The following CEP128 variants were observed in gnomAD, a reference collection of about 807,000 sequenced individuals.
CEP128 encodes the protein centrosomal protein 128, also known as centrosomal protein 128kDa.
Under a neutral mutation model 156.7 loss-of-function variants are expected in CEP128, and 132 were observed. That is an observed-to-expected ratio of 0.84 (90% CI 0.73 to 0.97). The LOEUF (loss-of-function observed/expected upper bound fraction) is 0.97, where lower values mean the gene tolerates loss of function less well. Ranked by LOEUF, CEP128 falls within the 50% of genes least tolerant of loss-of-function variation. The pLI, the probability that CEP128 is intolerant of heterozygous loss-of-function variation, is 0.00. For synonymous variants in CEP128, 469 were observed against 448.9 expected (o/e 1.04, Z -0.57); for missense variants, 1,252 against 1,281.9 (o/e 0.98, Z 0.36).
At chr14:80,687,798 G>T (rs984110841) in intron 19 of CEP128, among the ~76,000 whole-genome samples, 1 of 152,120 alleles carries the variant, frequency 6.6e-6, no homozygotes, top group African/African-American at 2.4e-5. Flanking sequence ...CTCAAAATGA[G>T]ATCGCACTCA....
intron 2 of CEP128, chr14:80,955,352 G>T (rs537891500): frequency 1.7e-5 from 8 of 474,248 alleles, no homozygotes; most frequent in Admixed American, 1.0e-4. Context: ...CGCCCGGGGT[G>T]GGGGGGCGGG....
intron 1 of CEP128, among the ~76,000 whole-genome samples, chr14:80,958,728 G>GT (rs1282778903): frequency 6.6e-6 from 1 of 151,816 alleles, no homozygotes; most frequent in Non-Finnish European, 1.5e-5. Context: ...AATAAACCAA[G>GT]TTTTTGTCAT....
At chr14:80,752,077 G>C (rs543077828) in intron 18 of CEP128, among the ~76,000 whole-genome samples, 1 of 152,064 alleles carries the variant, frequency 6.6e-6, no homozygotes, top group African/African-American at 2.4e-5. Context: ...ATATACTAAA[G>C]CCACTAAGAA....
At chr14:80,842,201 CTG>C (rs1886379318) in intron 9 of CEP128, among the ~76,000 whole-genome samples, 1 of 151,860 alleles carries the variant, frequency 6.6e-6, no homozygotes, top group Admixed American at 6.6e-5. Context: ...TCTCCTTTTA[CTG>C]TAAGTATATG....
chr14:80,935,153 T>A (rs955261223), intron 2 of CEP128, among the ~76,000 whole-genome samples: 6 of 152,128 alleles, frequency 3.9e-5, no homozygotes, highest in African/African-American at 7.2e-5. Flanking sequence ...TACATGTAAA[T>A]GGCAGTGGTG....
intron 8 of CEP128, among the ~76,000 whole-genome samples, chr14:80,883,051 T>C (rs1194031048): frequency 1.3e-5 from 2 of 152,136 alleles, no homozygotes; most frequent in African/African-American, 2.4e-5. Flanking sequence ...AAGAGTATAA[T>C]TGGATTGTTT....
chr14:80,498,899 G>A (rs978790753), intron 24 of CEP128, among the ~76,000 whole-genome samples: 1 of 152,142 alleles, frequency 6.6e-6, no homozygotes. Context: ...ACAGCCAACT[G>A]GGGATTTTCT....
At chr14:80,809,780 G>T (rs957273176) in intron 13 of CEP128, among the ~76,000 whole-genome samples, 1 of 151,998 alleles carries the variant, frequency 6.6e-6, no homozygotes. Flanking sequence ...AAAAAAAATT[G>T]TCTCACAGAC....
chr14:80,929,053 T>C (rs1594857942), intron 2 of CEP128, among the ~76,000 whole-genome samples: 1 of 149,190 alleles, frequency 6.7e-6, no homozygotes, highest in African/African-American at 2.5e-5. Context: ...TATTAAAAAG[T>C]GGGCAAATGA....
At chr14:80,767,752 C>T (rs995273173) in intron 16 of CEP128, among the ~76,000 whole-genome samples, 1 of 152,086 alleles carries the variant, frequency 6.6e-6, no homozygotes. Context: ...ATGTGAGAGC[C>T]TTAGTAAAAC....
intron 19 of CEP128, among the ~76,000 whole-genome samples, chr14:80,726,054 T>C (rs956009279): frequency 8.6e-5 from 13 of 150,826 alleles, no homozygotes; most frequent in African/African-American, 3.2e-4. Context: ...GTCTCACCCT[T>C]TCCTTCCCAA....
chr14:80,505,858 T>G (rs924701347), intron 23 of CEP128, among the ~76,000 whole-genome samples: 8 of 152,222 alleles, frequency 5.3e-5, no homozygotes, highest in African/African-American at 1.9e-4. Flanking sequence ...CATTCATTCA[T>G]TCACAATAAT....
intron 23 of CEP128, among the ~76,000 whole-genome samples, chr14:80,509,707 C>T (rs113153859): frequency 4.6e-5 from 7 of 152,130 alleles, no homozygotes; most frequent in East Asian, 1.9e-4. Context: ...AGTCTTTGCA[C>T]GATCCAATAT....
intron 23 of CEP128, among the ~76,000 whole-genome samples, chr14:80,507,429 G>T (rs1258553539): frequency 6.6e-6 from 1 of 152,162 alleles, no homozygotes; most frequent in African/African-American, 2.4e-5. Context: ...GCAACTAGAG[G>T]CAGGTAAACT....
chr14:80,767,007 T>A (rs1196793059), intron 16 of CEP128, among the ~76,000 whole-genome samples: 1 of 152,148 alleles, frequency 6.6e-6, no homozygotes, highest in Non-Finnish European at 1.5e-5. Flanking sequence ...ATGCCTAAGC[T>A]TTAAATCCAG....
At chr14:80,850,634 A>G (rs982667105) in intron 9 of CEP128, among the ~76,000 whole-genome samples, 3 of 152,172 alleles carry the variant, frequency 2.0e-5, no homozygotes, top group Non-Finnish European at 4.4e-5. Flanking sequence ...GTCAATCAGC[A>G]TTTGCTGTCA....
intron 19 of CEP128, among the ~76,000 whole-genome samples, chr14:80,595,495 G>A (rs1224245320): frequency 1.3e-5 from 2 of 151,870 alleles, no homozygotes; most frequent in African/African-American, 4.8e-5. Flanking sequence ...AAACAGGAAG[G>A]GTAAAAAATA....
chr14:80,839,540 A>G (rs182172566), intron 10 of CEP128, among the ~76,000 whole-genome samples: 4 of 152,242 alleles, frequency 2.6e-5, no homozygotes. Flanking sequence ...AATGAGTTAT[A>G]TATATAAAGC....
At chr14:80,806,927 C>T (rs1884210578) in intron 13 of CEP128, among the ~76,000 whole-genome samples, 1 of 151,868 alleles carries the variant, frequency 6.6e-6, no homozygotes, top group Admixed American at 6.6e-5. Context: ...AGAGAATAGA[C>T]ACATTATCTC....
Sources: gnomAD v4.1 joint callset for allele counts (sites outside exome capture counted in the v4.1 genomes callset) on GRCh38, gnomAD v4.1.1 for gene constraint, MANE v1.5 for transcripts, NCBI Gene and HGNC (gene_info 2026-07-23, HGNC 2026-07-21) for gene names.